CBR4: variants seen among roughly 807,000 people sequenced by gnomAD.
CBR4 encodes the protein 3-oxoacyl-[acyl-carrier-protein] reductase.
A neutral mutation model predicts 21.0 loss-of-function variants in CBR4; 22 were observed. That is an observed-to-expected ratio of 1.05 (90% CI 0.75 to 1.50). The LOEUF (loss-of-function observed/expected upper bound fraction) is 1.50. CBR4 is among the 40% of genes most tolerant of loss of function. The pLI is 0.00. For synonymous variants in CBR4, 100 were observed against 104.4 expected (o/e 0.96, Z 0.26); for missense variants, 302 against 286.3 (o/e 1.05, Z -0.40).
chr4:168,901,318 T>C (rs946522997), intron 2 of CBR4, among the ~76,000 whole-genome samples: 2 of 152,228 alleles, frequency 1.3e-5, no homozygotes, highest in Admixed American at 6.5e-5. Context: ...AGTTGAGCCA[T>C]AGGAAGACTG....
chr4:168,974,811 A>AT (rs1329964763), intron 2 of CBR4, among the ~76,000 whole-genome samples: 22 of 149,724 alleles, frequency 1.5e-4, no homozygotes, highest in Non-Finnish European at 1.8e-4. Flanking sequence ...CATATCCTTT[A>AT]TTTTTTTTTA....
At chr4:168,922,913 C>T (rs910209916) in intron 2 of CBR4, among the ~76,000 whole-genome samples, 9 of 152,184 alleles carry the variant, frequency 5.9e-5, no homozygotes, top group Non-Finnish European at 1.3e-4. Flanking sequence ...CAGATCTGCT[C>T]CAGTCCCGGC....
chr4:168,959,564 T>G (rs1439684240), intron 2 of CBR4, among the ~76,000 whole-genome samples: 1 of 128,542 alleles, frequency 7.8e-6, no homozygotes, highest in Non-Finnish European at 1.6e-5. Flanking sequence ...TCAATTTCTT[T>G]TTTTTTTTTT....
chr4:168,982,738 T>TA (rs953757411), downstream of CBR4, among the ~76,000 whole-genome samples: 11 of 151,998 alleles, frequency 7.2e-5, no homozygotes, highest in Admixed American at 7.2e-4. Context: ...CACAGCACAG[T>TA]AAAAACAGAA....
chr4:168,969,090 A>G (rs147330408), intron 2 of CBR4, among the ~76,000 whole-genome samples: 189 of 152,332 alleles, frequency 1.2e-3, no homozygotes, highest in African/African-American at 4.1e-3. Context: ...TACCCAAGCA[A>G]CAATGTTAGC....
chr4:168,950,457 G>C (rs1392292028), intron 2 of CBR4, among the ~76,000 whole-genome samples: 1 of 152,168 alleles, frequency 6.6e-6, no homozygotes. Context: ...GTCTGAGAGA[G>C]TGCTTGATAT....
At chr4:168,939,689 T>C (rs144016769) in intron 2 of CBR4, among the ~76,000 whole-genome samples, 12 of 152,194 alleles carry the variant, frequency 7.9e-5, no homozygotes, top group Admixed American at 2.0e-4. Flanking sequence ...CCATTTGCAA[T>C]TGCTACAAAG....
rs1582249226 is a variant in CBR4, at chr4:168,924,946, A to G, written n.170-30181T>C. The G allele has an allele frequency of 6.2e-7, 1 of 1,614,138 alleles. No homozygotes were observed. Among genetic ancestry groups the G allele is most frequent in the Non-Finnish European group, 8.5e-7 (1 of 1,179,992 alleles). On this transcript the variant is annotated intron_variant and non_coding_transcript_variant, in intron 2 of 3. Coordinates refer to the CBR4 transcript ENST00000509108. ...TAATGACTTTATCCTTTTCTCCAGC[A>G]TGCACCAGGACAACCACGGCTACAT...
downstream of CBR4, among the ~76,000 whole-genome samples, chr4:168,984,232 C>T (rs897185096): frequency 6.6e-6 from 1 of 151,910 alleles, no homozygotes; most frequent in Non-Finnish European, 1.5e-5. Context: ...AATCAATGTA[C>T]AAAAATCAGT....
At chr4:168,952,377 G>T (rs1431511518) in intron 2 of CBR4, among the ~76,000 whole-genome samples, 2 of 151,984 alleles carry the variant, frequency 1.3e-5, no homozygotes, top group East Asian at 3.9e-4. Flanking sequence ...GTGCCTCCCT[G>T]ATCAGCTTAA....
chr4:168,969,359 G>A (rs943386893), intron 2 of CBR4, among the ~76,000 whole-genome samples: 3 of 152,138 alleles, frequency 2.0e-5, no homozygotes, highest in Non-Finnish European at 4.4e-5. Flanking sequence ...TCCCCCTAGA[G>A]ATGCCTATTC....
chr4:169,007,669 A>C lies in CBR4; in HGVS notation c.230T>G (p.Val77Gly). 6.3e-7 allele frequency: 1 copy of C among 1,588,088 alleles called. No individual in the cohort carries two copies. Among genetic ancestry groups the C allele is most frequent in the Non-Finnish European group, 8.6e-7 (1 of 1,169,156 alleles). ...ACCAGCTGCATTTACCAAGAAATTT[A>C]CTCGACCTAAATGTTTCTCCAGCTC... ...FEELEKHLGR[V>G]NFLVNAAGIN... Residue 77 changes from valine to glycine, a missense_variant, in exon 2 of 5, where the codon GTA becomes GGA. Val to Gly is a moderately radical substitution (Grantham distance 109, BLOSUM62 -3). Transcript: ENST00000306193.
At chr4:168,971,503 C>T (rs1764209556) in intron 2 of CBR4, among the ~76,000 whole-genome samples, 1 of 142,310 alleles carries the variant, frequency 7.0e-6, no homozygotes, top group Admixed American at 7.4e-5. Context: ...GCCCTGGTCT[C>T]GAACTCCTGA....
intron 2 of CBR4, among the ~76,000 whole-genome samples, chr4:168,966,280 G>A (rs761603311): frequency 4.0e-5 from 6 of 149,692 alleles, no homozygotes; most frequent in African/African-American, 7.4e-5. Flanking sequence ...TTGGGAGGCC[G>A]AGGAGGGCGG....
intron 2 of CBR4, among the ~76,000 whole-genome samples, chr4:168,965,493 T>G (rs1426536547): frequency 6.6e-6 from 1 of 152,122 alleles, no homozygotes; most frequent in Non-Finnish European, 1.5e-5. Context: ...CTACCTGACT[T>G]CAAACTATAC....
At chr4:169,008,948 A>C (rs762172603) in intron 1 of CBR4, 2 of 454,750 alleles carry the variant, frequency 4.4e-6, no homozygotes, top group South Asian at 3.1e-5. Flanking sequence ...ATGAACAGCC[A>C]CACCTGGCGT....
chr4:168,996,421 T>A (rs914673715), intron 4 of CBR4, among the ~76,000 whole-genome samples: 2 of 119,538 alleles, frequency 1.7e-5, no homozygotes, highest in African/African-American at 6.3e-5. Flanking sequence ...CACCCCCCCC[T>A]TTCCATTTCC....
intron 2 of CBR4, among the ~76,000 whole-genome samples, chr4:168,903,240 ACCTC>A (rs766205134): frequency 1.3e-5 from 2 of 152,036 alleles, no homozygotes; most frequent in Admixed American, 1.3e-4. Flanking sequence ...CTTAGTCATC[ACCTC>A]CCTCCCTACC....
chr4:168,923,571 T>C (rs1030353899), intron 2 of CBR4, among the ~76,000 whole-genome samples: 7 of 145,018 alleles, frequency 4.8e-5, no homozygotes, highest in African/African-American at 1.7e-4. Flanking sequence ...TTTTTCAGAA[T>C]AGTACTAAAG....
Sources: gnomAD v4.1 joint callset for allele counts (sites outside exome capture counted in the v4.1 genomes callset) on GRCh38, gnomAD v4.1.1 for gene constraint, MANE v1.5 for transcripts, NCBI Gene and HGNC (gene_info 2026-07-23, HGNC 2026-07-21) for gene names.